The following FAM78B variants were observed in gnomAD, a reference collection of about 807,000 sequenced individuals.
The protein encoded by FAM78B is protein FAM78B.
A neutral mutation model predicts 20.0 loss-of-function variants in FAM78B; 10 were observed. That is an observed-to-expected ratio of 0.50 (90% CI 0.31 to 0.85). The LOEUF (loss-of-function observed/expected upper bound fraction) is 0.85. Ranked by LOEUF, FAM78B falls within the 40% of genes least tolerant of loss-of-function variation. The pLI is 0.05. For missense variants in FAM78B, 283 were observed against 345.0 expected, an observed-to-expected ratio of 0.82 and a Z score of 1.42; for synonymous variants, 135 against 132.8, an observed-to-expected ratio of 1.02 and a Z score of -0.12.
chr1:166,077,874 T>TA (rs1652368648), intron 1 of FAM78B, among the ~76,000 whole-genome samples: 1 of 60,006 alleles, frequency 1.7e-5, no homozygotes, highest in Non-Finnish European at 3.5e-5. Context: ...ATATATATAA[T>TA]TATATATATA....
intron 1 of FAM78B, among the ~76,000 whole-genome samples, chr1:166,097,170 G>C (rs953794518): frequency 6.6e-6 from 1 of 152,344 alleles, no homozygotes; most frequent in African/African-American, 2.4e-5. Context: ...AGTCTGGAGA[G>C]CTGAGAGAAA....
intron 1 of FAM78B, among the ~76,000 whole-genome samples, chr1:166,087,917 T>C (rs553158621): frequency 4.6e-5 from 7 of 152,208 alleles, no homozygotes; most frequent in African/African-American, 1.4e-4. Context: ...CAAGGAGGAA[T>C]GGGAGGAGTG....
intron 1 of FAM78B, among the ~76,000 whole-genome samples, chr1:166,120,061 C>A (rs552800436): frequency 1.2e-4 from 19 of 152,294 alleles, no homozygotes; most frequent in Admixed American, 2.6e-4. Context: ...AAGGTGAAAA[C>A]CAGCAAGGAT....
intron 1 of FAM78B, among the ~76,000 whole-genome samples, chr1:166,142,251 C>T (rs1304910662): frequency 1.3e-5 from 2 of 152,206 alleles, no homozygotes; most frequent in African/African-American, 4.8e-5. Context: ...TCTTGAACCA[C>T]TAGGGTCTAT....
downstream of FAM78B, among the ~76,000 whole-genome samples, chr1:166,066,878 G>A (rs569871268): frequency 2.9e-4 from 44 of 152,120 alleles, no homozygotes; most frequent in Non-Finnish European, 5.0e-4. Context: ...GATGAGATTC[G>A]GGAGATGTGC....
At chr1:166,135,370 G>A (rs1655031429) in intron 1 of FAM78B, among the ~76,000 whole-genome samples, 1 of 152,196 alleles carries the variant, frequency 6.6e-6, no homozygotes, top group African/African-American at 2.4e-5. Flanking sequence ...ATTGGTAATG[G>A]TTAACCAACT....
At chr1:166,127,550 C>T (rs981066498) in intron 1 of FAM78B, among the ~76,000 whole-genome samples, 3 of 152,202 alleles carry the variant, frequency 2.0e-5, no homozygotes, top group Non-Finnish European at 4.4e-5. Context: ...TATGTGCTCA[C>T]AGCTCTGTTT....
chr1:166,166,266 G>C lies in FAM78B; in HGVS notation c.-18C>G. On this transcript the variant is annotated 5_prime_UTR_variant, in exon 1 of 2. Coordinates refer to ENST00000354422, the MANE Select transcript of FAM78B (RefSeq NM_001017961.5). The stretch of plus-strand genomic sequence containing the variant: ...CAGCCCATCCTGCAGCCCGGTGCCG[G>C]CACGGCGCGGCGTGGGGCAGCGCGG... 1 of 1,363,722 alleles carries C rather than the reference G, an allele frequency of 7.3e-7. No individual in the cohort carries two copies. Among genetic ancestry groups the C allele is most frequent in the Non-Finnish European group, 9.5e-7 (1 of 1,052,920 alleles). 84.5% of individuals were successfully genotyped at this position (1,363,722 alleles called of 1,614,324 possible).
intron 1 of FAM78B, among the ~76,000 whole-genome samples, chr1:166,141,091 G>A (rs1435159875): frequency 1.3e-5 from 2 of 152,230 alleles, no homozygotes; most frequent in Non-Finnish European, 2.9e-5. Flanking sequence ...GACATTAAAG[G>A]CCAGGCCAGT....
At chr1:166,165,837 A>AGGGAGGAGGGAGGTGGGAG in intron 1 of FAM78B, 149 bp downstream of exon 1, 1 of 848,012 alleles carries the variant, frequency 1.2e-6, no homozygotes, top group African/African-American at 1.7e-5. Context: ...ACAAAAGCGT[A>AGGGAGGAGGGAGGTGGGAG]GGGAGGAGGG....
chr1:166,105,751 G>C (rs576813491), intron 1 of FAM78B, among the ~76,000 whole-genome samples: 60 of 151,990 alleles, frequency 3.9e-4, no homozygotes, highest in African/African-American at 1.1e-3. Context: ...CTTTTACACT[G>C]TTGGTGGGAC....
chr1:166,071,885 T>C (rs1356056354), intron 1 of FAM78B, among the ~76,000 whole-genome samples: 1 of 152,114 alleles, frequency 6.6e-6, no homozygotes, highest in Non-Finnish European at 1.5e-5. Flanking sequence ...TCTAATGAGT[T>C]AGCAGCTCCA....
At chr1:166,146,242 C>A (rs1655450278) in intron 1 of FAM78B, among the ~76,000 whole-genome samples, 1 of 152,174 alleles carries the variant, frequency 6.6e-6, no homozygotes, top group South Asian at 2.1e-4. Context: ...AGACTTCTGA[C>A]CCAATGACCA....
chr1:166,060,029 C>T (rs578176147), exon 3 of FAM78B: 36 of 156,090 alleles, frequency 2.3e-4, no homozygotes, highest in African/African-American at 8.2e-4. Flanking sequence ...CTCCCCTCAC[C>T]CCATTGAACC....
chr1:166,084,147 A>G (rs1208846726), intron 1 of FAM78B, among the ~76,000 whole-genome samples: 1 of 150,952 alleles, frequency 6.6e-6, no homozygotes, highest in Non-Finnish European at 1.5e-5. Context: ...CACAAAGAGC[A>G]CCTACTTTGT....
intron 2 of FAM78B, among the ~76,000 whole-genome samples, chr1:166,064,141 C>A (rs1285353610): frequency 6.6e-6 from 1 of 152,148 alleles, no homozygotes; most frequent in Non-Finnish European, 1.5e-5. Flanking sequence ...CTGCCTCGGG[C>A]AGGTGCAGAG....
At chr1:166,080,675 A>G (rs1342586621) in intron 1 of FAM78B, among the ~76,000 whole-genome samples, 1 of 152,248 alleles carries the variant, frequency 6.6e-6, no homozygotes, top group Non-Finnish European at 1.5e-5. Flanking sequence ...TTAGTTAAAG[A>G]GAACACCACA....
intron 1 of FAM78B, among the ~76,000 whole-genome samples, chr1:166,142,850 G>A (rs1190448789): frequency 6.6e-6 from 1 of 152,210 alleles, no homozygotes; most frequent in Non-Finnish European, 1.5e-5. Context: ...AATTAAGAAG[G>A]AATTGTGCTC....
rs1651560176 is a variant in FAM78B, at chr1:166,060,722, A to G, written c.*410-59T>C. 4 of 1,065,000 alleles carry G rather than the reference A, an allele frequency of 3.8e-6. No individual in the cohort carries two copies. The South Asian group carries it at 5.7e-5, about 15-fold the overall frequency. The allele number at this position is 1,065,000 out of a possible 1,614,324, so 66.0% of individuals were successfully genotyped here. ...GGGCATTAAGACAGTGATCAAAGAA[A>G]TGTCATTCCCTAAAAGCAGATGGTC... On this transcript the variant is annotated intron_variant and NMD_transcript_variant, in intron 2 of 2. Coordinates refer to the FAM78B transcript ENST00000435676.
Sources: gnomAD v4.1 joint callset for allele counts (sites outside exome capture counted in the v4.1 genomes callset) on GRCh38, gnomAD v4.1.1 for gene constraint, MANE v1.5 for transcripts, NCBI Gene and HGNC (gene_info 2026-07-23, HGNC 2026-07-21) for gene names.